VAV3: variants seen among roughly 807,000 people sequenced by gnomAD.
VAV3 encodes the protein guanine nucleotide exchange factor VAV3.
A neutral mutation model predicts 131.2 loss-of-function variants in VAV3; 94 were observed. The ratio of observed to expected loss-of-function variants is 0.72; its 90% CI spans 0.61 to 0.85. The LOEUF is 0.85. Among genes scored for constraint, VAV3 ranks in the 40% least tolerant of loss-of-function variants. The pLI is 0.00. For missense variants in VAV3, 939 were observed against 1,002.7 expected (o/e 0.94, Z 0.86); for synonymous variants, 349 against 342.0 (o/e 1.02, Z -0.22).
intron 4 of VAV3, among the ~76,000 whole-genome samples, chr1:107,776,299 T>G (rs1393189570): frequency 6.6e-6 from 1 of 152,132 alleles, no homozygotes; most frequent in African/African-American, 2.4e-5. Context: ...CAAGGCAAAG[T>G]CCCACACCTC....
At position 107,952,241 on chromosome 1, in the gene VAV3, T is replaced by C. The variant is rs183638716; in HGVS notation, c.204+12425A>G. Among the ~76,000 whole-genome samples, 48 of 151,906 alleles carry C rather than the reference T, an allele frequency of 3.2e-4. No individual in the cohort carries two copies. The East Asian group carries it at 8.9e-3, about 28-fold the overall frequency. Reference sequence around the variant, plus strand: ...ACCAAATGCCACATGTTCTCACTTATAAGTGAGGGCTAAATGATGAGATCA... The same window carrying C: ...ACCAAATGCCACATGTTCTCACTTACAAGTGAGGGCTAAATGATGAGATCA... On this transcript the variant is annotated intron_variant, in intron 1 of 26. Coordinates refer to ENST00000370056, the MANE Select transcript of VAV3 (RefSeq NM_006113.5).
At chr1:107,861,347 C>G (rs1217257591) in intron 2 of VAV3, among the ~76,000 whole-genome samples, 1 of 151,520 alleles carries the variant, frequency 6.6e-6, no homozygotes, top group Non-Finnish European at 1.5e-5. Context: ...TTCATAGTAA[C>G]TTTGCTAAAA....
chr1:107,941,271 G>A (rs935877469), intron 1 of VAV3, among the ~76,000 whole-genome samples: 2 of 152,150 alleles, frequency 1.3e-5, no homozygotes, highest in African/African-American at 4.8e-5. Context: ...AGTACTAAAG[G>A]ACTAAACTGA....
At chr1:107,772,538 A>G (rs944231019) in intron 5 of VAV3, among the ~76,000 whole-genome samples, 197 bp downstream of exon 5, 1 of 152,194 alleles carries the variant, frequency 6.6e-6, no homozygotes, top group Admixed American at 6.5e-5. Flanking sequence ...AAGACTAGAC[A>G]AAAGATTCCC....
intron 4 of VAV3, among the ~76,000 whole-genome samples, chr1:107,775,438 C>T (rs1398749361): frequency 1.3e-5 from 2 of 151,748 alleles, no homozygotes; most frequent in Non-Finnish European, 2.9e-5. Context: ...ATTAACTGGG[C>T]GCAGTGGCAG....
intron 18 of VAV3, among the ~76,000 whole-genome samples, chr1:107,688,179 G>C (rs1163076496): frequency 6.6e-6 from 1 of 152,038 alleles, no homozygotes; most frequent in East Asian, 1.9e-4. Context: ...CTCTACCTAA[G>C]ACCTTCGGAC....
chr1:107,749,651 A>C, intron 13 of VAV3, 57 bp from the exon 14 acceptor site: 1 of 1,568,374 alleles, frequency 6.4e-7, no homozygotes, highest in Non-Finnish European at 8.6e-7. Context: ...TGGGTTATTA[A>C]TTTTTTTGGG....
intron 15 of VAV3, among the ~76,000 whole-genome samples, chr1:107,709,251 C>T (rs1660633300): frequency 6.6e-6 from 1 of 152,140 alleles, no homozygotes; most frequent in Admixed American, 6.6e-5. Flanking sequence ...TTACCAGTCT[C>T]CTCTTTATAG....
intron 19 of VAV3, chr1:107,668,965 C>T (rs919717588): frequency 6.0e-5 from 59 of 990,984 alleles, no homozygotes; most frequent in African/African-American, 2.8e-4. Context: ...AACTCTTTCG[C>T]GATACGGGTG....
intron 7 of VAV3, among the ~76,000 whole-genome samples, chr1:107,767,468 T>C (rs1664798910): frequency 6.6e-6 from 1 of 152,206 alleles, no homozygotes; most frequent in Admixed American, 6.5e-5. Flanking sequence ...TCAAGATCCT[T>C]ATCTTCCCCA....
chr1:107,776,023 G>A (rs949562655), intron 4 of VAV3, among the ~76,000 whole-genome samples: 1 of 152,116 alleles, frequency 6.6e-6, no homozygotes, highest in African/African-American at 2.4e-5. Flanking sequence ...AAGTAACTAG[G>A]CTTTTCAAAA....
chr1:107,755,709 G>T (rs1664065229), intron 11 of VAV3, among the ~76,000 whole-genome samples, 196 bp from the exon 12 acceptor site: 1 of 152,072 alleles, frequency 6.6e-6, no homozygotes, highest in African/African-American at 2.4e-5. Context: ...AGTACAGCTG[G>T]GAAGACTGAA....
intron 2 of VAV3, among the ~76,000 whole-genome samples, chr1:107,815,880 G>C (rs67778148): frequency 6.6e-6 from 1 of 151,934 alleles, no homozygotes; most frequent in Non-Finnish European, 1.5e-5. Flanking sequence ...CCCGTGGCGG[G>C]GTGTGGAGGG....
intron 2 of VAV3, among the ~76,000 whole-genome samples, chr1:107,796,341 C>T (rs1666543879): frequency 6.6e-6 from 1 of 152,142 alleles, no homozygotes; most frequent in African/African-American, 2.4e-5. Flanking sequence ...CGGCTTCCAA[C>T]TCCTATCAGT....
intron 19 of VAV3, among the ~76,000 whole-genome samples, chr1:107,664,833 G>T (rs975649851): frequency 7.9e-5 from 12 of 152,188 alleles, no homozygotes; most frequent in African/African-American, 2.9e-4. Flanking sequence ...ATGAATGATA[G>T]ATAAATAGGA....
intron 19 of VAV3, among the ~76,000 whole-genome samples, chr1:107,675,541 A>G (rs886679818): frequency 6.6e-6 from 1 of 152,156 alleles, no homozygotes; most frequent in Non-Finnish European, 1.5e-5. Context: ...ATAAAATTTA[A>G]AAAGATCTCT....
intron 1 of VAV3, among the ~76,000 whole-genome samples, chr1:107,952,729 T>C (rs893525369): frequency 6.6e-6 from 1 of 151,942 alleles, no homozygotes; most frequent in African/African-American, 2.4e-5. Flanking sequence ...ACCCGTACTG[T>C]ATAGACTAAA....
At chr1:107,789,920 T>A (rs1333941870) in intron 2 of VAV3, among the ~76,000 whole-genome samples, 2 of 152,144 alleles carry the variant, frequency 1.3e-5, no homozygotes, top group African/African-American at 4.8e-5. Context: ...ACAACCTGAG[T>A]GCTCAGTAGC....
chr1:107,937,020 C>T (rs1673751911), intron 1 of VAV3, among the ~76,000 whole-genome samples: 1 of 152,052 alleles, frequency 6.6e-6, no homozygotes, highest in Non-Finnish European at 1.5e-5. Flanking sequence ...ACTGAGATTG[C>T]CACACCTTAC....
Sources: allele counts gnomAD v4.1 joint callset (sites outside exome capture counted in the v4.1 genomes callset), GRCh38; gene constraint gnomAD v4.1.1; transcripts MANE v1.5; gene names NCBI Gene and HGNC (gene_info 2026-07-23, HGNC 2026-07-21).